The following GTF2F2 variants were observed in gnomAD, a reference collection of about 807,000 sequenced individuals.
The protein encoded by GTF2F2 is ATP-dependent helicase GTF2F2.
A neutral mutation model predicts 42.2 loss-of-function variants in GTF2F2; 23 were observed. That is an observed-to-expected ratio of 0.55 (90% CI 0.39 to 0.77). GTF2F2 has a LOEUF of 0.77. Among genes scored for constraint, GTF2F2 ranks in the 30% least tolerant of loss-of-function variants. The probability of loss-of-function intolerance (pLI) is 0.00; values close to 1 mark genes in which losing one functional copy is unlikely to be tolerated. For synonymous variants in GTF2F2, 105 were observed against 100.8 expected, an observed-to-expected ratio of 1.04 and a Z score of -0.25; for missense variants, 261 against 287.2, an observed-to-expected ratio of 0.91 and a Z score of 0.66.
intron 1 of GTF2F2, chr13:45,123,894 A>G: frequency 3.1e-6 from 1 of 327,180 alleles, no homozygotes; most frequent in Non-Finnish European, 5.7e-6. Flanking sequence ...TCTGCATGGA[A>G]GCTGTGAGGA....
At position 45,267,215 on chromosome 13, in the gene GTF2F2, T is replaced by C. The variant is rs1876599695; in HGVS notation, c.487-18T>C. On this transcript the variant is annotated intron_variant, in intron 6 of 7. Transcript: ENST00000340473. The stretch of plus-strand genomic sequence containing the variant: ...ATGTTGAATTGATGCTTTTATTTCC[T>C]TTGCTGTTTGCATATAGATCGAATA... 1 of 1,599,718 alleles carries C rather than the reference T, an allele frequency of 6.3e-7. No individual in the cohort carries two copies. The highest frequency in any genetic ancestry group is 8.5e-7 in the Non-Finnish European group (1 of 1,172,406).
At chr13:45,189,773 C>G (rs1872555313) in intron 4 of GTF2F2, among the ~76,000 whole-genome samples, 1 of 151,908 alleles carries the variant, frequency 6.6e-6, no homozygotes, top group African/African-American at 2.4e-5. Context: ...TGAGCAAAGG[C>G]CATTGTGGTT....
chr13:45,139,684 C>T (rs1327772808), intron 2 of GTF2F2, among the ~76,000 whole-genome samples: 1 of 152,176 alleles, frequency 6.6e-6, no homozygotes, highest in Non-Finnish European at 1.5e-5. Flanking sequence ...ATCTGACATA[C>T]TGTATATTTG....
chr13:45,225,571 T>G (rs1874304220), intron 5 of GTF2F2, among the ~76,000 whole-genome samples: 1 of 148,860 alleles, frequency 6.7e-6, no homozygotes, highest in Admixed American at 6.7e-5. Context: ...GATAGCGCCA[T>G]TGCACTCCAG....
chr13:45,185,926 T>C (rs1872399192), intron 4 of GTF2F2, among the ~76,000 whole-genome samples: 1 of 152,124 alleles, frequency 6.6e-6, no homozygotes, highest in South Asian at 2.1e-4. Flanking sequence ...AAAATCAAAA[T>C]AGTTTTGTTA....
chr13:45,271,169 G>A (rs1181648013), intron 7 of GTF2F2, among the ~76,000 whole-genome samples: 1 of 151,960 alleles, frequency 6.6e-6, no homozygotes, highest in Admixed American at 6.6e-5. Flanking sequence ...GCCAGCCCCT[G>A]TAGTCCCAGC....
chr13:45,246,889 T>A (rs1040066308), intron 5 of GTF2F2, among the ~76,000 whole-genome samples: 5 of 148,794 alleles, frequency 3.4e-5, no homozygotes, highest in African/African-American at 1.2e-4. Flanking sequence ...TACAAAAAAA[T>A]TAGCCTGGCG....
chr13:45,210,512 C>G (rs1873589601), intron 5 of GTF2F2, among the ~76,000 whole-genome samples: 1 of 152,178 alleles, frequency 6.6e-6, no homozygotes, highest in South Asian at 2.1e-4. Context: ...ACGTCACCTC[C>G]TACTAAACTA....
At chr13:45,151,895 C>A (rs955692349) in intron 4 of GTF2F2, 64 bp downstream of exon 4, 426 of 391,138 alleles carry the variant, frequency 1.1e-3, no homozygotes, top group Non-Finnish European at 1.4e-3. Context: ...TCTGTCTCAA[C>A]ATACACTCCT....
chr13:45,274,625 G>A (rs1191998019), intron 7 of GTF2F2, among the ~76,000 whole-genome samples: 2 of 152,094 alleles, frequency 1.3e-5, no homozygotes, highest in East Asian at 1.9e-4. Flanking sequence ...CACCACGCCC[G>A]ACCAAATTAT....
chr13:45,259,093 C>T (rs1001678928), intron 6 of GTF2F2, among the ~76,000 whole-genome samples: 10 of 152,032 alleles, frequency 6.6e-5, no homozygotes, highest in South Asian at 2.1e-4. Context: ...CATTTGTTTT[C>T]GGTGTTGCTG....
At chr13:45,193,813 C>T (rs761258409) in intron 4 of GTF2F2, 1 of 1,604,316 alleles carries the variant, frequency 6.2e-7, no homozygotes, top group Non-Finnish European at 8.5e-7. Flanking sequence ...AAGTGCATCG[C>T]TGTGAACAAT....
At chr13:45,151,029 T>C (rs1870465216) in intron 3 of GTF2F2, among the ~76,000 whole-genome samples, 1 of 152,162 alleles carries the variant, frequency 6.6e-6, no homozygotes, top group African/African-American at 2.4e-5. Context: ...GTTACATAGG[T>C]ATATTGCATG....
intron 1 of GTF2F2, among the ~76,000 whole-genome samples, chr13:45,133,466 G>A (rs1869463980): frequency 6.6e-6 from 1 of 152,156 alleles, no homozygotes; most frequent in African/African-American, 2.4e-5. Flanking sequence ...GACTCTCCCA[G>A]CACTCCCTCA....
chr13:45,240,878 G>A, intron 5 of GTF2F2, among the ~76,000 whole-genome samples: 1 of 146,610 alleles, frequency 6.8e-6, no homozygotes, highest in South Asian at 2.2e-4. Flanking sequence ...GGTGGCTCAT[G>A]CCTGTAATCC....
At chr13:45,174,292 G>A (rs1042363495) in intron 4 of GTF2F2, among the ~76,000 whole-genome samples, 1 of 152,120 alleles carries the variant, frequency 6.6e-6, no homozygotes, top group East Asian at 1.9e-4. Flanking sequence ...CTTTTCCAGA[G>A]AAGCTATTTT....
At chr13:45,203,871 G>A (rs995402666) in intron 4 of GTF2F2, among the ~76,000 whole-genome samples, 1 of 152,132 alleles carries the variant, frequency 6.6e-6, no homozygotes, top group Non-Finnish European at 1.5e-5. Flanking sequence ...GATGATTTAT[G>A]TACCTGTCTT....
intron 6 of GTF2F2, among the ~76,000 whole-genome samples, chr13:45,254,192 A>AT (rs1876001522): frequency 1.3e-5 from 2 of 151,936 alleles, no homozygotes. Context: ...GGGTTATTCT[A>AT]TTTTATTATG....
intron 5 of GTF2F2, among the ~76,000 whole-genome samples, chr13:45,224,228 C>T (rs1874237256): frequency 6.6e-6 from 1 of 152,184 alleles, no homozygotes; most frequent in Admixed American, 6.5e-5. Context: ...GTTCTTCAGT[C>T]CCCTCTTATC....
Sources: gnomAD v4.1 joint callset for allele counts (sites outside exome capture counted in the v4.1 genomes callset) on GRCh38, gnomAD v4.1.1 for gene constraint, MANE v1.5 for transcripts, NCBI Gene and HGNC (gene_info 2026-07-23, HGNC 2026-07-21) for gene names.